NEBL: variants seen among roughly 807,000 people sequenced by gnomAD.
NEBL encodes nebulette, also known as LIM and SH3 protein 2.
A neutral mutation model predicts 140.2 loss-of-function variants in NEBL; 122 were observed. The observed-to-expected ratio is 0.87, with a 90% CI of 0.75 to 1.01. NEBL has a LOEUF of 1.01. NEBL is among the 50% of genes least tolerant of loss of function. NEBL has a pLI of 0.00. For synonymous variants in NEBL, 436 were observed against 398.9 expected (o/e 1.09, Z -1.11); for missense variants, 1,365 against 1,231.3 (o/e 1.11, Z -1.62).
chr10:21,216,195 C>G (rs1489158637), intron 3 of NEBL, among the ~76,000 whole-genome samples: 1 of 152,178 alleles, frequency 6.6e-6, no homozygotes, highest in African/African-American at 2.4e-5. Context: ...ACCACCAGAA[C>G]ACATCCCACT....
chr10:20,901,590 G>C (rs1847872161), upstream of NEBL, among the ~76,000 whole-genome samples: 1 of 152,048 alleles, frequency 6.6e-6, no homozygotes, highest in Non-Finnish European at 1.5e-5. Flanking sequence ...GGGGAAAAAA[G>C]TACAGAGATA....
intron 3 of NEBL, among the ~76,000 whole-genome samples, chr10:21,197,056 A>T (rs1462697946): frequency 6.6e-6 from 1 of 152,234 alleles, no homozygotes; most frequent in Non-Finnish European, 1.5e-5. Context: ...TGATGAAGAT[A>T]CATTGGCACA....
intron 1 of NEBL, among the ~76,000 whole-genome samples, chr10:21,275,094 TG>T: frequency 6.6e-6 from 1 of 152,110 alleles, no homozygotes; most frequent in East Asian, 1.9e-4. Context: ...AATTTAGAGG[TG>T]GATTCTTCCC....
intron 2 of NEBL, among the ~76,000 whole-genome samples, chr10:21,026,738 C>T (rs1833515783): frequency 6.6e-6 from 1 of 152,194 alleles, no homozygotes; most frequent in Admixed American, 6.5e-5. Flanking sequence ...CATGGCAGGG[C>T]TGCCTGCTAG....
chr10:21,224,583 T>G (rs1842119268), intron 3 of NEBL, among the ~76,000 whole-genome samples: 1 of 152,184 alleles, frequency 6.6e-6, no homozygotes, highest in Non-Finnish European at 1.5e-5. Flanking sequence ...ATTGCATTTA[T>G]TCTGCAGATT....
chr10:20,830,012 T>G (rs3791197), intron 16 of NEBL, among the ~76,000 whole-genome samples: 1 of 152,082 alleles, frequency 6.6e-6, no homozygotes, highest in Admixed American at 6.5e-5. Context: ...ATGCATTGAC[T>G]TAGGATTTTA....
intron 2 of NEBL, among the ~76,000 whole-genome samples, chr10:21,167,609 T>C (rs1014592517): frequency 6.6e-6 from 1 of 152,204 alleles, no homozygotes; most frequent in Non-Finnish European, 1.5e-5. Flanking sequence ...AGAACCGACG[T>C]ATATTTTAAA....
chr10:21,064,232 C>A (rs1835432546), intron 2 of NEBL, among the ~76,000 whole-genome samples: 2 of 152,112 alleles, frequency 1.3e-5, no homozygotes. Flanking sequence ...AAATTGAATT[C>A]AAATGAATTT....
intron 2 of NEBL, among the ~76,000 whole-genome samples, chr10:21,139,892 T>C (rs1839535809): frequency 6.6e-6 from 1 of 151,082 alleles, no homozygotes; most frequent in African/African-American, 2.4e-5. Flanking sequence ...GGCTCACGCC[T>C]GTAATCCCAG....
At chr10:20,837,323 T>C (rs1459076175) in intron 13 of NEBL, among the ~76,000 whole-genome samples, 1 of 152,208 alleles carries the variant, frequency 6.6e-6, no homozygotes, top group Non-Finnish European at 1.5e-5. Flanking sequence ...GAGAAAGTTT[T>C]AGTGGTCTGA....
At chr10:21,198,745 C>T (rs903065973) in intron 3 of NEBL, among the ~76,000 whole-genome samples, 1 of 152,062 alleles carries the variant, frequency 6.6e-6, no homozygotes, top group African/African-American at 2.4e-5. Context: ...CTACTTTCCC[C>T]ATGCAGAGTA....
intron 7 of NEBL, among the ~76,000 whole-genome samples, chr10:20,862,427 G>T (rs1280289919): frequency 1.3e-5 from 2 of 152,054 alleles, no homozygotes; most frequent in Non-Finnish European, 2.9e-5. Context: ...TTCTAACCTC[G>T]CTCTTTCTGT....
intron 2 of NEBL, among the ~76,000 whole-genome samples, chr10:21,119,836 G>A (rs901280051): frequency 4.6e-5 from 7 of 152,018 alleles, no homozygotes; most frequent in African/African-American, 1.7e-4. Flanking sequence ...ATGGGATCCA[G>A]GATCACATCC....
At chr10:20,905,338 A>G (rs1339262109) in intron 4 of NEBL, among the ~76,000 whole-genome samples, 2 of 152,210 alleles carry the variant, frequency 1.3e-5, no homozygotes, top group African/African-American at 2.4e-5. Flanking sequence ...TATAAATAAA[A>G]GAGGTTTAAT....
intron 2 of NEBL, among the ~76,000 whole-genome samples, chr10:21,151,167 G>A (rs1840120255): frequency 6.6e-6 from 1 of 152,068 alleles, no homozygotes; most frequent in Admixed American, 6.6e-5. Context: ...AAGCAATCTA[G>A]GCCAAAATTA....
At position 21,071,907 on chromosome 10, in the gene NEBL, C is replaced by A. The variant is rs551480654; in HGVS notation, c.165-51706G>T. ...AATCTTGGCTCACTGCAGCCTCTGT[C>A]TCCTGGGTTCAAGCAATTCTCATGC... On this transcript the variant is annotated intron_variant, in intron 2 of 6. Coordinates refer to the NEBL transcript ENST00000417816. Among the ~76,000 whole-genome samples the A allele has an allele frequency of 2.0e-5, 3 of 152,242 alleles. No individual in the cohort carries two copies. The South Asian group carries it at 6.2e-4, about 32-fold the overall frequency.
chr10:20,831,217 C>T lies in NEBL; in HGVS notation c.1650G>A (p.Arg550=), dbSNP rs773371817. 2 of 1,613,082 alleles carry T rather than the reference C, an allele frequency of 1.2e-6. No individual in the cohort carries two copies. The highest frequency in any genetic ancestry group is 1.1e-5 in the South Asian group (1 of 91,070). Residue 550 remains arginine, a synonymous_variant, in exon 16 of 28, where the codon AGG becomes AGA. Coordinates refer to ENST00000377122, the MANE Select transcript of NEBL (RefSeq NM_006393.3). ...CAACCTGGCTATAGATTTCAGATGT[C>T]CTCTTGGCTCGAAGGATATCTGGGA... is the stretch of plus-strand genomic sequence containing the variant. ...MDIPDILRAK[R]TSEIYSQRKY...
intron 3 of NEBL, among the ~76,000 whole-genome samples, chr10:20,977,386 G>A (rs1836848534): frequency 6.6e-6 from 1 of 152,184 alleles, no homozygotes; most frequent in African/African-American, 2.4e-5. Flanking sequence ...ATCTGCACCT[G>A]ACATCTAAAT....
At chr10:21,209,267 G>A (rs1044642573) in intron 3 of NEBL, among the ~76,000 whole-genome samples, 2 of 152,176 alleles carry the variant, frequency 1.3e-5, no homozygotes, top group African/African-American at 2.4e-5. Flanking sequence ...TGACTACACT[G>A]CCTTAAGAAA....
Sources: allele counts gnomAD v4.1 joint callset (sites outside exome capture counted in the v4.1 genomes callset), GRCh38; gene constraint gnomAD v4.1.1; transcripts MANE v1.5; gene names NCBI Gene and HGNC (gene_info 2026-07-23, HGNC 2026-07-21).